UBR2: variants seen among roughly 807,000 people sequenced by gnomAD.
The protein encoded by UBR2 is ubiquitin protein ligase E3 component n-recognin 2.
Under a neutral mutation model 247.9 loss-of-function variants are expected in UBR2, and 92 were observed. That is an observed-to-expected ratio of 0.37 (90% CI 0.31 to 0.44). UBR2 has a LOEUF of 0.44. UBR2 is among the 20% of genes least tolerant of loss of function. UBR2 has a pLI of 1.00. For missense variants in UBR2, 1,613 were observed against 2,112.6 expected, an observed-to-expected ratio of 0.76 and a Z score of 4.64; for synonymous variants, 672 against 693.5, an observed-to-expected ratio of 0.97 and a Z score of 0.49.
intron 35 of UBR2, among the ~76,000 whole-genome samples, 165 bp downstream of exon 35, chr6:42,670,405 T>A (rs1264774201): frequency 5.3e-5 from 8 of 152,154 alleles, no homozygotes; most frequent in Non-Finnish European, 1.2e-4. Flanking sequence ...AATACTAGAT[T>A]GATAGTTCAT....
chr6:42,592,123 CTT>C, intron 2 of UBR2, 26 bp from the exon 3 acceptor site: 1 of 1,545,608 alleles, frequency 6.5e-7, no homozygotes, highest in Non-Finnish European at 8.9e-7. Context: ...TTTTCTGACA[CTT>C]TGATTTTTTT....
rs559613405 is a variant in UBR2, at chr6:42,667,641, TCA to T, written c.3881+1397_3881+1398del. Among the ~76,000 whole-genome samples, 69 of 125,364 alleles carry T rather than the reference TCA, an allele frequency of 5.5e-4. No individual in the cohort carries two copies. The South Asian group carries it at 0.019, about 34-fold the overall frequency. 82.2% of individuals were successfully genotyped at this position (125,364 alleles called of 152,430 possible). The stretch of plus-strand genomic sequence containing the variant: ...TGGAATCTCGTGCTGTCGCCCAGGC[TCA>T]GTTTTGTCTTTCTTATAGTTAATAA... On this transcript the variant is annotated intron_variant, in intron 34 of 46. Coordinates refer to ENST00000372901, the MANE Select transcript of UBR2 (RefSeq NM_001363705.2).
At chr6:42,591,095 T>TA (rs1792630272) in intron 2 of UBR2, among the ~76,000 whole-genome samples, 1 of 152,002 alleles carries the variant, frequency 6.6e-6, no homozygotes, top group African/African-American at 2.4e-5. Flanking sequence ...CTAGTAAAAA[T>TA]ACAAAAATTA....
At chr6:42,650,142 T>C (rs1797031306) in intron 22 of UBR2, 142 bp from the exon 23 acceptor site, 1 of 627,504 alleles carries the variant, frequency 1.6e-6, no homozygotes. Flanking sequence ...GACTGCCAAA[T>C]CAACCCACTG....
intron 44 of UBR2, among the ~76,000 whole-genome samples, chr6:42,687,064 G>T (rs1256912958): frequency 6.7e-6 from 1 of 149,664 alleles, no homozygotes; most frequent in African/African-American, 2.5e-5. Context: ...AGAGACGCTC[G>T]TCACTTCCTA....
At chr6:42,677,931 G>A (rs1798805087) in intron 40 of UBR2, among the ~76,000 whole-genome samples, 1 of 152,214 alleles carries the variant, frequency 6.6e-6, no homozygotes, top group South Asian at 2.1e-4. Context: ...GCAGTGGCAT[G>A]TGCCTGTAGT....
chr6:42,640,430 G>GTT (rs1796367456), intron 16 of UBR2, among the ~76,000 whole-genome samples, 160 bp downstream of exon 16: 2 of 99,010 alleles, frequency 2.0e-5, no homozygotes, highest in African/African-American at 7.5e-5. Flanking sequence ...GTGTGTGTGT[G>GTT]TGTGTATAGA....
chr6:42,624,337 T>TC (rs1795198247), intron 11 of UBR2, among the ~76,000 whole-genome samples: 1 of 145,864 alleles, frequency 6.9e-6, no homozygotes, highest in African/African-American at 2.5e-5. Context: ...GTTGAGTTGG[T>TC]GGGGGGGGTG....
intron 1 of UBR2, among the ~76,000 whole-genome samples, chr6:42,569,893 T>G (rs774629992): frequency 1.2e-4 from 19 of 152,238 alleles, no homozygotes; most frequent in Non-Finnish European, 1.6e-4. Flanking sequence ...GACAGTTTCT[T>G]TACTTCCCTT....
chr6:42,606,726 CAT>C (rs1349520716), intron 7 of UBR2, 75 bp downstream of exon 7: 11 of 1,270,020 alleles, frequency 8.7e-6, no homozygotes, highest in African/African-American at 1.5e-5. Flanking sequence ...CATTTATGAA[CAT>C]GTCTTTCTGC....
chr6:42,665,334 G>A, intron 32 of UBR2, 75 bp from the exon 33 acceptor site: 2 of 1,106,554 alleles, frequency 1.8e-6, no homozygotes, highest in Non-Finnish European at 2.6e-6. Flanking sequence ...AAATATGCCT[G>A]TGATCATTTA....
chr6:42,691,159 T>G lies in UBR2; in HGVS notation c.5254T>G (p.Trp1752Gly). 6.2e-7 allele frequency: 1 copy of G among 1,613,764 alleles called. No homozygotes were observed. Among genetic ancestry groups the G allele is most frequent in the Non-Finnish European group, 8.5e-7 (1 of 1,179,956 alleles). ...EANQTLVGID[W>G]QHL is the part of the protein sequence containing the mutation. ...CAATCAGACACTGGTTGGCATTGAC[T>G]GGCAACATTTATAATTATTGCACCA... Residue 1752 changes from tryptophan to glycine, a missense_variant, in exon 47 of 47, where the codon TGG becomes GGG. Around this residue, in one of 3 missense-constraint regions of UBR2, gnomAD observed 80 missense variants for 108.6 expected, o/e 0.74. Coordinates refer to ENST00000372901, the MANE Select transcript of UBR2 (RefSeq NM_001363705.2).
intron 7 of UBR2, among the ~76,000 whole-genome samples, chr6:42,611,459 CA>C (rs71753208): frequency 0.73 from 96,085 of 132,220 alleles, 33,285 homozygotes; most frequent in South Asian, 0.77. Flanking sequence ...GACTCCATCT[CA>C]AAAAAAAAAA....
At chr6:42,605,381 G>A (rs1562301749) in intron 5 of UBR2, among the ~76,000 whole-genome samples, 1 of 152,202 alleles carries the variant, frequency 6.6e-6, no homozygotes, top group Non-Finnish European at 1.5e-5. Flanking sequence ...TCAACTATGA[G>A]AGGTGGAGGG....
chr6:42,581,268 C>T (rs112638228), intron 2 of UBR2, among the ~76,000 whole-genome samples: 3,301 of 151,922 alleles, frequency 0.022, 113 homozygotes, highest in African/African-American at 0.075. Flanking sequence ...CAGCTCACTG[C>T]AACCTCTGCC....
chr6:42,584,235 A>G (rs1429177527), intron 2 of UBR2, among the ~76,000 whole-genome samples: 2 of 152,098 alleles, frequency 1.3e-5, no homozygotes, highest in African/African-American at 4.8e-5. Flanking sequence ...ACCTCAGGTG[A>G]TCTGCCCACC....
intron 13 of UBR2, chr6:42,634,196 T>C (rs1346065317): frequency 3.6e-6 from 1 of 274,624 alleles, no homozygotes; most frequent in Non-Finnish European, 7.2e-6. Context: ...CTTCATGTGG[T>C]ATTTATATAA....
At position 42,644,473 on chromosome 6, in the gene UBR2, G is replaced by A; in HGVS notation, c.2221G>A (p.Asp741Asn). The change falls in exon 20 of 47, where the codon GAT becomes AAT. Residue 741 changes from aspartate to asparagine, a missense_variant and splice_region_variant. Asp to Asn is a conservative substitution (Grantham distance 23). Around this residue, in one of 3 missense-constraint regions of UBR2, gnomAD observed 1,524 missense variants for 1,967.3 expected, o/e 0.77. Transcript: ENST00000372901. ...CTTTATCTTCCCTCACTTGTTATAG[G>A]ATGTTGTTCAGCAGAACAATACTCT... ...KRFSSEITHK[D>N]VVQQNNTLIE... The A allele has an allele frequency of 6.2e-7, 1 of 1,611,486 alleles. No homozygotes were observed. The highest frequency in any genetic ancestry group is 8.5e-7 in the Non-Finnish European group (1 of 1,179,060).
At chr6:42,667,507 G>C (rs751535627) in intron 34 of UBR2, among the ~76,000 whole-genome samples, 1 of 143,172 alleles carries the variant, frequency 7.0e-6, no homozygotes, top group East Asian at 2.1e-4. Context: ...CTAGTTGTCA[G>C]TTTTTACATT....
Sources: allele counts gnomAD v4.1 joint callset (sites outside exome capture counted in the v4.1 genomes callset), GRCh38; gene constraint gnomAD v4.1.1; regional missense constraint gnomAD v4.1.1; transcripts MANE v1.5; gene names NCBI Gene and HGNC (gene_info 2026-07-23, HGNC 2026-07-21).